The following GRM5 variants were observed in gnomAD, a reference collection of about 807,000 sequenced individuals.
The protein encoded by GRM5 is glutamate metabotropic receptor 5.
A neutral mutation model predicts 83.1 loss-of-function variants in GRM5; 19 were observed. That is an observed-to-expected ratio of 0.23 (90% CI 0.16 to 0.34). The LOEUF (loss-of-function observed/expected upper bound fraction) is 0.34, where lower values mean the gene tolerates loss of function less well. Among genes scored for constraint, GRM5 ranks in the 10% least tolerant of loss-of-function variants. The probability of loss-of-function intolerance (pLI) is 1.00; values close to 1 mark genes in which losing one functional copy is unlikely to be tolerated. For synonymous variants in GRM5, 675 were observed against 633.6 expected (o/e 1.07, Z -0.98); for missense variants, 1,160 against 1,588.3 (o/e 0.73, Z 4.58).
At chr11:89,058,304 G>A (rs1459433833) in intron 1 of GRM5, among the ~76,000 whole-genome samples, 1 of 152,096 alleles carries the variant, frequency 6.6e-6, no homozygotes, top group Non-Finnish European at 1.5e-5. Context: ...ATCTTTTGTT[G>A]TGGGCGGATG....
intron 2 of GRM5, among the ~76,000 whole-genome samples, chr11:88,951,878 A>G (rs1938476066): frequency 6.6e-6 from 1 of 152,186 alleles, no homozygotes; most frequent in Admixed American, 6.5e-5. Context: ...TATTAAAGAA[A>G]CTATGCATTA....
intron 1 of GRM5, among the ~76,000 whole-genome samples, chr11:89,062,546 A>C (rs1942016282): frequency 6.6e-6 from 1 of 152,202 alleles, no homozygotes; most frequent in Non-Finnish European, 1.5e-5. Flanking sequence ...GTCTGTATCA[A>C]TTTCTTATTG....
At chr11:88,683,257 T>C (rs978960817) in intron 3 of GRM5, among the ~76,000 whole-genome samples, 2 of 152,148 alleles carry the variant, frequency 1.3e-5, no homozygotes, top group Non-Finnish European at 2.9e-5. Flanking sequence ...AATGCCCCCA[T>C]GGGGTATGGG....
chr11:88,861,957 C>A (rs1412513949), intron 2 of GRM5, among the ~76,000 whole-genome samples: 1 of 152,064 alleles, frequency 6.6e-6, no homozygotes, highest in African/African-American at 2.4e-5. Flanking sequence ...CCTAGGCAAC[C>A]TAAGTATTTG....
chr11:88,960,012 G>A (rs1173906869), intron 2 of GRM5, among the ~76,000 whole-genome samples: 1 of 152,188 alleles, frequency 6.6e-6, no homozygotes, highest in African/African-American at 2.4e-5. Context: ...TAGACATCTG[G>A]ATGAAGGGAG....
chr11:88,575,769 C>T (rs984980236), intron 7 of GRM5, among the ~76,000 whole-genome samples: 5 of 152,200 alleles, frequency 3.3e-5, no homozygotes, highest in African/African-American at 9.6e-5. Context: ...CCCAACTTTG[C>T]TACAGAGTAG....
At chr11:88,958,825 G>A (rs909318182) in intron 2 of GRM5, among the ~76,000 whole-genome samples, 64 of 152,064 alleles carry the variant, frequency 4.2e-4, no homozygotes, top group African/African-American at 1.4e-3. Flanking sequence ...ACATGTTAAC[G>A]CAAATATTTT....
intron 3 of GRM5, among the ~76,000 whole-genome samples, chr11:88,660,241 A>G (rs1939869964): frequency 6.6e-6 from 1 of 152,200 alleles, no homozygotes; most frequent in Non-Finnish European, 1.5e-5. Flanking sequence ...ATTTCCAGTC[A>G]CTGAATTATC....
intron 9 of GRM5, among the ~76,000 whole-genome samples, chr11:88,513,243 G>A (rs901381874): frequency 1.3e-5 from 2 of 152,078 alleles, no homozygotes; most frequent in East Asian, 1.9e-4. Context: ...ACATTATGAA[G>A]GCACAGATGG....
intron 3 of GRM5, among the ~76,000 whole-genome samples, chr11:88,665,453 A>G (rs535709171): frequency 2.8e-3 from 422 of 152,268 alleles, no homozygotes; most frequent in Middle Eastern, 6.8e-3. Flanking sequence ...TTTCCTGGAC[A>G]AAATATCCCC....
At chr11:89,026,919 G>A (rs770644795) in intron 2 of GRM5, among the ~76,000 whole-genome samples, 26 of 152,206 alleles carry the variant, frequency 1.7e-4, no homozygotes, top group Middle Eastern at 6.8e-3. Flanking sequence ...ACGAAGTGGA[G>A]GTGTTGAAGT....
intron 2 of GRM5, among the ~76,000 whole-genome samples, chr11:88,990,659 C>T (rs915068366): frequency 6.7e-5 from 10 of 150,178 alleles, no homozygotes; most frequent in Admixed American, 5.3e-4. Context: ...AAAAGCTTAT[C>T]CACCATGATC....
At chr11:89,012,492 G>A (rs950933350) in intron 2 of GRM5, among the ~76,000 whole-genome samples, 4 of 152,172 alleles carry the variant, frequency 2.6e-5, no homozygotes, top group African/African-American at 9.6e-5. Context: ...TTGCAAATAG[G>A]GGTATTTTTT....
chr11:88,618,605 CAA>C (rs34947093), intron 4 of GRM5, among the ~76,000 whole-genome samples: 4 of 129,520 alleles, frequency 3.1e-5, no homozygotes, highest in African/African-American at 2.7e-5. Flanking sequence ...TCTGTGTCCT[CAA>C]AAAAAAAAAA....
chr11:88,783,265 A>G (rs559959710), intron 3 of GRM5, among the ~76,000 whole-genome samples: 2 of 152,286 alleles, frequency 1.3e-5, no homozygotes, highest in Admixed American at 1.3e-4. Flanking sequence ...TGATTTATGA[A>G]TTATAGTCAG....
chr11:88,595,028 T>G (rs766529188), intron 6 of GRM5, among the ~76,000 whole-genome samples: 1 of 152,214 alleles, frequency 6.6e-6, no homozygotes, highest in Non-Finnish European at 1.5e-5. Context: ...CACATCTTCT[T>G]TAGCCTAAGA....
At chr11:88,726,869 T>C (rs1406408567) in intron 3 of GRM5, among the ~76,000 whole-genome samples, 6 of 152,182 alleles carry the variant, frequency 3.9e-5, no homozygotes, top group African/African-American at 4.8e-5. Flanking sequence ...AGGCCTGCCT[T>C]ACAAAAGCTC....
chr11:88,947,267 T>C (rs1429642019), intron 2 of GRM5, among the ~76,000 whole-genome samples: 2 of 152,306 alleles, frequency 1.3e-5, no homozygotes, highest in Admixed American at 6.5e-5. Context: ...TTAATGTTTA[T>C]AGAAATTTCT....
intron 2 of GRM5, among the ~76,000 whole-genome samples, chr11:88,899,217 T>G (rs1214730679): frequency 6.6e-6 from 1 of 151,880 alleles, no homozygotes; most frequent in Non-Finnish European, 1.5e-5. Context: ...CTTAGGTTAT[T>G]TCATCTTGAG....
Sources: gnomAD v4.1 joint callset for allele counts (sites outside exome capture counted in the v4.1 genomes callset) on GRCh38, gnomAD v4.1.1 for gene constraint, MANE v1.5 for transcripts, NCBI Gene and HGNC (gene_info 2026-07-23, HGNC 2026-07-21) for gene names.